Variants in ATF6 observed in about 807,000 individuals in gnomAD.
ATF6 encodes cyclic AMP-dependent transcription factor ATF-6 alpha.
A neutral mutation model predicts 83.6 loss-of-function variants in ATF6; 53 were observed. The observed-to-expected ratio is 0.63, with a 90% CI of 0.51 to 0.80. ATF6 has a LOEUF of 0.80. Ranked by LOEUF, ATF6 falls within the 30% of genes least tolerant of loss-of-function variation. ATF6 has a pLI of 0.00. For missense variants in ATF6, 744 were observed against 797.9 expected, an observed-to-expected ratio of 0.93 and a Z score of 0.81; for synonymous variants, 288 against 285.8, an observed-to-expected ratio of 1.01 and a Z score of -0.08.
intron 10 of ATF6, 39 bp from the exon 11 acceptor site, chr1:161,851,683 A>T: frequency 1.4e-6 from 2 of 1,434,020 alleles, no homozygotes; most frequent in Non-Finnish European, 2.0e-6. Flanking sequence ...TTAGGAATTT[A>T]AGATACAAGG....
intron 14 of ATF6, among the ~76,000 whole-genome samples, chr1:161,898,555 G>GTT (rs1209705322): frequency 6.9e-6 from 1 of 145,786 alleles, no homozygotes; most frequent in Admixed American, 6.9e-5. Context: ...TTTTGTTTTT[G>GTT]TTTTTTTTTT....
At chr1:161,897,893 A>G (rs985362613) in intron 14 of ATF6, among the ~76,000 whole-genome samples, 2 of 152,188 alleles carry the variant, frequency 1.3e-5, no homozygotes, top group African/African-American at 2.4e-5. Context: ...TTTTAAGGTT[A>G]TATATGTGGC....
intron 15 of ATF6, among the ~76,000 whole-genome samples, chr1:161,921,766 A>C (rs6687226): frequency 0.93 from 141,665 of 152,300 alleles, 66,011 homozygotes; most frequent in East Asian, 1. Context: ...CCAAGTAATT[A>C]TTGACTGATG....
In ATF6 at chr1:161,783,994, A is replaced by G. The variant is rs1227192495; in HGVS notation, c.252A>G (p.Lys84=). The change falls in exon 4 of 16, where the codon AAA becomes AAG. Residue 84 remains lysine (K), a synonymous_variant. Transcript: ENST00000367942. ...CCTTTCCTCCATGTTTTCCAGTTAA[A>G]GATATTAAGGCAGAACCTCAGCCAC... is the stretch of plus-strand genomic sequence containing the variant. ...WDINNQICTV[K]DIKAEPQPLS... 1.2e-6 allele frequency: 2 copies of G among 1,607,960 alleles called. No individual in the cohort carries two copies. The highest frequency in any genetic ancestry group is 1.7e-6 in the Non-Finnish European group (2 of 1,174,870).
chr1:161,766,347 A>G lies in ATF6; in HGVS notation c.-14A>G. On this transcript the variant is annotated 5_prime_UTR_variant, in exon 1 of 16. Coordinates refer to ENST00000367942, the MANE Select transcript of ATF6 (RefSeq NM_007348.4). ...ATATTAATCACGGAGTTCCAGGGAG[A>G]AGGAACTTGTGAAATGGGGGAGCCG... 2 of 1,611,160 alleles carry G rather than the reference A, an allele frequency of 1.2e-6. No individual in the cohort carries two copies. Among genetic ancestry groups the G allele is most frequent in the Non-Finnish European group, 1.7e-6 (2 of 1,177,848 alleles).
At chr1:161,938,261 A>C (rs758095944) in intron 15 of ATF6, among the ~76,000 whole-genome samples, 2 of 152,214 alleles carry the variant, frequency 1.3e-5, no homozygotes, top group Non-Finnish European at 2.9e-5. Flanking sequence ...ACTAATAGAA[A>C]TTATAGGGCT....
chr1:161,781,696 T>G (rs1469278530), intron 2 of ATF6, among the ~76,000 whole-genome samples: 1 of 152,222 alleles, frequency 6.6e-6, no homozygotes, highest in African/African-American at 2.4e-5. Flanking sequence ...CCTTACCTCT[T>G]TCCTAGTTGT....
chr1:161,792,784 A>G (rs775101344), intron 6 of ATF6, among the ~76,000 whole-genome samples: 1 of 152,300 alleles, frequency 6.6e-6, no homozygotes, highest in East Asian at 1.9e-4. Context: ...TGACCTGGTC[A>G]TGAGGAGACC....
chr1:161,813,370 G>A (rs1002716183), intron 7 of ATF6, among the ~76,000 whole-genome samples: 1 of 152,094 alleles, frequency 6.6e-6, no homozygotes, highest in East Asian at 1.9e-4. Context: ...CTATGTCGTT[G>A]TGCCAATTAA....
intron 14 of ATF6, among the ~76,000 whole-genome samples, chr1:161,893,468 G>A (rs1164675845): frequency 1.3e-5 from 2 of 152,098 alleles, no homozygotes; most frequent in Admixed American, 6.5e-5. Context: ...GCCCCGCCAC[G>A]GAAACTTTAT....
intron 9 of ATF6, among the ~76,000 whole-genome samples, chr1:161,826,771 A>T (rs1377380896): frequency 6.6e-6 from 1 of 152,220 alleles, no homozygotes; most frequent in Non-Finnish European, 1.5e-5. Flanking sequence ...ATAAAAACCA[A>T]GAACTATTTC....
intron 14 of ATF6, among the ~76,000 whole-genome samples, chr1:161,909,210 C>G (rs1404769338): frequency 6.6e-6 from 1 of 152,218 alleles, no homozygotes; most frequent in African/African-American, 2.4e-5. Flanking sequence ...TGTCTTCTTG[C>G]TCCATAATCC....
intron 2 of ATF6, among the ~76,000 whole-genome samples, chr1:161,780,539 A>G (rs1684609886): frequency 1.3e-5 from 2 of 151,748 alleles, no homozygotes; most frequent in Non-Finnish European, 1.5e-5. Flanking sequence ...ACGCCCGGCT[A>G]ATTTTTTGTA....
chr1:161,822,765 G>C (rs1486955322), intron 9 of ATF6, among the ~76,000 whole-genome samples: 1 of 152,128 alleles, frequency 6.6e-6, no homozygotes, highest in Non-Finnish European at 1.5e-5. Context: ...ACCTAGTTAG[G>C]GAAGTAAGGC....
intron 14 of ATF6, among the ~76,000 whole-genome samples, chr1:161,890,395 A>G (rs1687522881): frequency 6.6e-6 from 1 of 152,264 alleles, no homozygotes; most frequent in South Asian, 2.1e-4. Context: ...AGGGCTCCCC[A>G]GAAGTGAACC....
intron 13 of ATF6, among the ~76,000 whole-genome samples, chr1:161,861,559 G>T (rs1347609095): frequency 6.6e-6 from 1 of 152,006 alleles, no homozygotes; most frequent in Non-Finnish European, 1.5e-5. Flanking sequence ...GGTTATAATG[G>T]CATGGTATTT....
At position 161,927,920 on chromosome 1, in the gene ATF6, G is replaced by A. The variant is rs372107947; in HGVS notation, c.1804+15540G>A. Among the ~76,000 whole-genome samples the A allele has an allele frequency of 3.7e-3, 562 of 152,252 alleles. 2 individuals carry two copies. The highest frequency in any genetic ancestry group is 0.013 in the African/African-American group (532 of 41,564). On this transcript the variant is annotated intron_variant, in intron 15 of 15. Coordinates refer to ENST00000367942, the MANE Select transcript of ATF6 (RefSeq NM_007348.4). ...TTTACAAGGTTTAAAGTATTTTGGAGTTTTGTTTCCTTTTTTAAAAACAAA... is the reference window on the plus strand; with the variant it reads ...TTTACAAGGTTTAAAGTATTTTGGAATTTTGTTTCCTTTTTTAAAAACAAA...
Position 161,863,239 on chromosome 1 carries a change from C to G in ATF6, c.1646C>G (p.Pro549Arg), listed in dbSNP as rs758431567. 1 of 1,612,680 alleles carries G rather than the reference C, an allele frequency of 6.2e-7. No homozygotes were observed. Among genetic ancestry groups the G allele is most frequent in the African/African-American group, 1.3e-5 (1 of 74,832 alleles). Residue 549 changes from proline (P) to arginine (R), a missense_variant, in exon 14 of 16, where the codon CCC becomes CGC. By Grantham distance (103) the Pro-to-Arg change is moderately radical. Coordinates refer to ENST00000367942, the MANE Select transcript of ATF6 (RefSeq NM_007348.4). ...GAGCTACAAGTGTATTATGCTTCAC[C>G]CAGAAGTTATCAAGACTTTTTTGAA... is the stretch of plus-strand genomic sequence containing the variant. ...GSELQVYYAS[P>R]RSYQDFFEAI...
chr1:161,827,965 A>T (rs1429236603), intron 9 of ATF6, among the ~76,000 whole-genome samples: 1 of 152,186 alleles, frequency 6.6e-6, no homozygotes, highest in Non-Finnish European at 1.5e-5. Flanking sequence ...TGGGTGGTCT[A>T]TAAATAGTAA....
Sources: gnomAD v4.1 joint callset for allele counts (sites outside exome capture counted in the v4.1 genomes callset) on GRCh38, gnomAD v4.1.1 for gene constraint, MANE v1.5 for transcripts, NCBI Gene and HGNC (gene_info 2026-07-23, HGNC 2026-07-21) for gene names.